CPS1: variants seen among roughly 807,000 people sequenced by gnomAD.
CPS1 encodes carbamoyl-phosphate synthase [ammonia], mitochondrial.
Under a neutral mutation model 174.6 loss-of-function variants are expected in CPS1, and 109 were observed. The observed-to-expected ratio is 0.62, with a 90% CI of 0.53 to 0.73. CPS1 has a LOEUF of 0.73. Among genes scored for constraint, CPS1 ranks in the 30% least tolerant of loss-of-function variants. CPS1 has a pLI of 0.00. For synonymous variants in CPS1, 637 were observed against 632.0 expected (o/e 1.01, Z -0.12); for missense variants, 1,689 against 1,821.9 (o/e 0.93, Z 1.33).
chr2:210,642,140 T>G (rs1407404376), intron 24 of CPS1, among the ~76,000 whole-genome samples: 1 of 152,200 alleles, frequency 6.6e-6, no homozygotes, highest in East Asian at 1.9e-4. Context: ...GTCAATATAT[T>G]CACTTTGAAT....
chr2:210,666,623 G>T (rs890624544), intron 33 of CPS1, among the ~76,000 whole-genome samples: 3 of 152,110 alleles, frequency 2.0e-5, no homozygotes, highest in African/African-American at 7.2e-5. Context: ...GTTTGTCAAA[G>T]ATCAGATAGT....
At chr2:210,618,414 AG>A (rs1257630935) in intron 21 of CPS1, 2 of 152,092 alleles carry the variant, frequency 1.3e-5, no homozygotes, top group Non-Finnish European at 2.9e-5. Flanking sequence ...GGGAGGTTGA[AG>A]TGTCTATTAT....
At chr2:210,629,906 T>A (rs925316184) in intron 21 of CPS1, among the ~76,000 whole-genome samples, 1 of 146,958 alleles carries the variant, frequency 6.8e-6, no homozygotes, top group Non-Finnish European at 1.5e-5. Flanking sequence ...AAAAAAAAAT[T>A]AAATTAAAAA....
intron 6 of CPS1, among the ~76,000 whole-genome samples, chr2:210,583,171 T>C (rs1178363448): frequency 1.3e-5 from 2 of 152,158 alleles, no homozygotes; most frequent in Non-Finnish European, 2.9e-5. Flanking sequence ...TTTATTGTGT[T>C]ATAGCTTTGT....
chr2:210,633,268 T>C (rs1699926603), intron 21 of CPS1, among the ~76,000 whole-genome samples: 1 of 152,216 alleles, frequency 6.6e-6, no homozygotes, highest in African/African-American at 2.4e-5. Flanking sequence ...AGATGGCTTT[T>C]TTTTTTCGTC....
Position 210,564,618 on chromosome 2 carries a change from C to T in CPS1, c.126+7759C>T, listed in dbSNP as rs936811060. ...GTCTCGATCTCCTGACCTTGTGATCCGCCCGCCTCGGCCTCCCAAAGTGCT... is the reference window on the plus strand; with the variant it reads ...GTCTCGATCTCCTGACCTTGTGATCTGCCCGCCTCGGCCTCCCAAAGTGCT... On this transcript the variant is annotated intron_variant, in intron 1 of 37. Transcript: ENST00000233072. 2.8e-4 allele frequency among the ~76,000 whole-genome samples: 43 copies of T among 152,164 alleles called. 1 individual carries two copies. The highest frequency in any genetic ancestry group is 7.5e-4 in the African/African-American group (31 of 41,556).
intron 14 of CPS1, 73 bp downstream of exon 14, chr2:210,599,634 T>A: frequency 6.7e-7 from 1 of 1,501,310 alleles, no homozygotes; most frequent in Non-Finnish European, 9.3e-7. Context: ...TTTGAGCTCA[T>A]CTAACAATTG....
At chr2:210,554,342 C>T (rs1466251261), upstream of CPS1, among the ~76,000 whole-genome samples, 1 of 151,018 alleles carries the variant, frequency 6.6e-6, no homozygotes. Flanking sequence ...AAAATGAAAG[C>T]CCATTAAAAC....
chr2:210,529,054 C>A (rs1387127183), intron 1 of CPS1, among the ~76,000 whole-genome samples: 1 of 151,470 alleles, frequency 6.6e-6, no homozygotes, highest in African/African-American at 2.4e-5. Flanking sequence ...GAGATGTCCC[C>A]GTTAAGATTT....
At chr2:210,660,358 C>A in intron 31 of CPS1, 127 bp from the exon 32 acceptor site, 2 of 918,898 alleles carry the variant, frequency 2.2e-6, no homozygotes, top group South Asian at 1.4e-5. Context: ...AGAAAAGAGA[C>A]AAGATTAGCA....
chr2:210,590,203 T>G lies in CPS1; in HGVS notation c.809T>G (p.Leu270Arg). ...LIAGGPGNPA[L>R]AEPLIQNVRK... Reference sequence around the variant, plus strand: ...GCGGGAGGACCGGGGAACCCAGCTCTTGCAGAACCACTAATTCAGAATGTC... The same window carrying G: ...GCGGGAGGACCGGGGAACCCAGCTCGTGCAGAACCACTAATTCAGAATGTC... The change falls in exon 8 of 38, where the codon CTT becomes CGT. Residue 270 changes from leucine (L) to arginine (R), a missense_variant. Transcript: ENST00000233072. 6.2e-7 allele frequency: 1 copy of G among 1,612,902 alleles called. No individual in the cohort carries two copies. Among genetic ancestry groups the G allele is most frequent in the Non-Finnish European group, 8.5e-7 (1 of 1,179,174 alleles).
At chr2:210,674,649 GA>G (rs1701460388) in intron 34 of CPS1, 1 of 520,606 alleles carries the variant, frequency 1.9e-6, no homozygotes, top group Admixed American at 3.2e-5. Flanking sequence ...AGATTAAATA[GA>G]GAATAAAAGG....
chr2:210,486,712 G>A (rs1410674199), intron 1 of CPS1, among the ~76,000 whole-genome samples: 4 of 152,200 alleles, frequency 2.6e-5, no homozygotes, highest in Admixed American at 2.0e-4. Flanking sequence ...GTTTCTCCAT[G>A]TTGGTCAGGC....
intron 21 of CPS1, 34 bp downstream of exon 21, chr2:210,616,575 C>T: frequency 8.1e-7 from 1 of 1,236,946 alleles, no homozygotes; most frequent in Non-Finnish European, 1.2e-6. Context: ...ATGCCAGACA[C>T]CTTCAGTGCA....
upstream of CPS1, among the ~76,000 whole-genome samples, chr2:210,552,973 T>G (rs1258076554): frequency 6.6e-6 from 1 of 151,944 alleles, no homozygotes; most frequent in Non-Finnish European, 1.5e-5. Flanking sequence ...TGAGGACATT[T>G]TTAAAGGGAC....
At chr2:210,580,070 C>T (rs558487607) in intron 5 of CPS1, among the ~76,000 whole-genome samples, 29 of 152,264 alleles carry the variant, frequency 1.9e-4, no homozygotes, top group Non-Finnish European at 3.8e-4. Flanking sequence ...TAATTCAGCT[C>T]ATGTGATAGA....
At chr2:210,617,437 T>C (rs988624816) in intron 21 of CPS1, 3 of 152,060 alleles carry the variant, frequency 2.0e-5, no homozygotes, top group African/African-American at 7.2e-5. Flanking sequence ...TGACAAAATG[T>C]AGATACTTTA....
intron 21 of CPS1, among the ~76,000 whole-genome samples, chr2:210,636,530 T>G (rs1319206767): frequency 6.6e-6 from 1 of 152,064 alleles, no homozygotes; most frequent in Non-Finnish European, 1.5e-5. Context: ...TGGGGAGTAA[T>G]CTGGTAAATA....
At chr2:210,674,016 A>T (rs1647069707) in intron 34 of CPS1, 2 of 152,224 alleles carry the variant, frequency 1.3e-5, no homozygotes, top group Non-Finnish European at 2.9e-5. Context: ...TTTGAAATGC[A>T]GCTAACTGAC....
Sources: allele counts gnomAD v4.1 joint callset (sites outside exome capture counted in the v4.1 genomes callset), GRCh38; gene constraint gnomAD v4.1.1; transcripts MANE v1.5; gene names NCBI Gene and HGNC (gene_info 2026-07-23, HGNC 2026-07-21).